NGDN: variants seen among roughly 807,000 people sequenced by gnomAD.
The protein encoded by NGDN is neuroguidin, also known as EIF4E-binding protein.
In NGDN, 41 loss-of-function variants were observed where a neutral mutation model predicts 45.2. That is an observed-to-expected ratio of 0.91 (90% CI 0.71 to 1.18). NGDN has a LOEUF of 1.18. Ranked by LOEUF, NGDN falls within the 50% of genes most tolerant of loss-of-function variation. The pLI, the probability that NGDN is intolerant of heterozygous loss-of-function variation, is 0.00. For synonymous variants in NGDN, 137 were observed against 130.9 expected (o/e 1.05, Z -0.32); for missense variants, 402 against 399.9 (o/e 1.01, Z -0.05).
At chr14:23,470,405 A>C in intron 2 of NGDN, 1 of 318,502 alleles carries the variant, frequency 3.1e-6, no homozygotes, top group South Asian at 5.9e-5. Context: ...ACTTATATAC[A>C]GATGCTTCTC....
intron 8 of NGDN, 115 bp downstream of exon 8, chr14:23,476,522 T>G (rs1893908521): frequency 2.0e-6 from 2 of 1,008,634 alleles, no homozygotes; most frequent in African/African-American, 1.6e-5. Flanking sequence ...GAAAATGGAG[T>G]GAAAACTTTG....
At position 23,475,307 on chromosome 14, in the gene NGDN, C is replaced by T. The variant is rs370904707; in HGVS notation, c.281C>T (p.Thr94Met). The T allele has an allele frequency of 1.7e-5, 27 of 1,606,598 alleles. No homozygotes were observed. The highest frequency in any genetic ancestry group is 1.7e-4 in the Middle Eastern group (1 of 6,036). ...DAVLRLVEIR[T>M]VLEKLRPLDQ... ...GTTTTGAGACTGGTGGAGATTCGCA[C>T]GGTATGAAGCATTTGGCTTCTTGGA... Residue 94 changes from threonine to methionine, a missense_variant and splice_region_variant, in exon 4 of 11, where the codon ACG (threonine) becomes ATG (methionine). Thr to Met is a moderately conservative substitution (Grantham distance 81, BLOSUM62 -1). Coordinates refer to ENST00000408901, the MANE Select transcript of NGDN (RefSeq NM_001042635.2).
chr14:23,477,358 T>C lies in NGDN; in HGVS notation c.870+2T>C. ...GGGGGAACTGTTCATCTTGATGAGG[T>C]GAGGTTGAGATATGGTTGTAGTAGG... On this transcript the variant is annotated splice_donor_variant, in intron 9 of 10. Transcript: ENST00000408901. LOFTEE classifies it high-confidence loss of function. 1 of 1,614,044 alleles carries C rather than the reference T, an allele frequency of 6.2e-7. No individual in the cohort carries two copies. Among genetic ancestry groups the C allele is most frequent in the Non-Finnish European group, 8.5e-7 (1 of 1,179,960 alleles).
rs530292151 is a variant in NGDN at position 23,475,610 on chromosome 14, A to G, written c.335A>G (p.Lys112Arg). 2.2e-5 allele frequency: 36 copies of G among 1,614,244 alleles called. No homozygotes were observed. In the African/African-American group the frequency reaches 4.4e-4, roughly 20 times the overall value. The part of the protein sequence containing the change: ...LDQKLKYQID[K>R]LIKTAVTGSL... ...CAAAAGCTGAAGTATCAAATTGACAAGCTGATCAAGACTGCAGTGACAGGC... is the reference window on the plus strand; with the variant it reads ...CAAAAGCTGAAGTATCAAATTGACAGGCTGATCAAGACTGCAGTGACAGGC... Residue 112 changes from lysine to arginine, a missense_variant, in exon 5 of 11, where the codon AAG (lysine) becomes AGG (arginine). Lys to Arg is a conservative substitution (Grantham distance 26). Coordinates refer to ENST00000408901, the MANE Select transcript of NGDN (RefSeq NM_001042635.2).
At chr14:23,472,505 A>G (rs1273475484) in intron 3 of NGDN, among the ~76,000 whole-genome samples, 2 of 152,340 alleles carry the variant, frequency 1.3e-5, no homozygotes, top group Non-Finnish European at 1.5e-5. Flanking sequence ...ATCTGAAAAA[A>G]ACAAAACAAC....
At chr14:23,472,441 A>C (rs1270269650) in intron 3 of NGDN, among the ~76,000 whole-genome samples, 1 of 152,118 alleles carries the variant, frequency 6.6e-6, no homozygotes, top group Non-Finnish European at 1.5e-5. Flanking sequence ...CAGAGGTTGC[A>C]GTGAGCCGTG....
intron 3 of NGDN, 152 bp from the exon 4 acceptor site, chr14:23,475,019 G>T: frequency 1.7e-6 from 1 of 578,444 alleles, no homozygotes; most frequent in Non-Finnish European, 2.8e-6. Context: ...GGCCTTCTTA[G>T]GCATAGCTAC....
At position 23,476,416 on chromosome 14, in the gene NGDN, C is replaced by G. The variant is rs760430379; in HGVS notation, c.713+9C>G. 2 of 1,601,434 alleles carry G rather than the reference C, an allele frequency of 1.2e-6. No individual in the cohort carries two copies. Among genetic ancestry groups the G allele is most frequent in the Non-Finnish European group, 1.7e-6 (2 of 1,173,006 alleles). On this transcript the variant is annotated intron_variant, in intron 8 of 10. Transcript: ENST00000408901. ...CAGGAGGACCAACACAGGTCTGAGC[C>G]CTTGCATTAGAAATTATTCCTGCAC... is the stretch of plus-strand genomic sequence containing the variant.
Position 23,475,243 on chromosome 14 carries a change from G to A in NGDN, c.217G>A (p.Asp73Asn). The part of the protein sequence containing the change: ...YLMDLTHLIL[D>N]KASGGSLQGH... ...TATGGATTTGACCCACCTCATTCTG[G>A]ACAAAGCCTCAGGAGGATCTCTTCA... The change falls in exon 4 of 11, where the codon GAC (aspartate) becomes AAC (asparagine). Residue 73 changes from aspartate (D) to asparagine (N), a missense_variant. Transcript: ENST00000408901. 6.2e-7 allele frequency: 1 copy of A among 1,614,102 alleles called. No homozygotes were observed. The highest frequency in any genetic ancestry group is 1.1e-5 in the South Asian group (1 of 91,088).
In NGDN at chr14:23,475,735, A is replaced by T. The variant is rs774017541; in HGVS notation, c.377A>T (p.Asp126Val). Residue 126 changes from aspartate to valine, a missense_variant, in exon 6 of 11, where the codon GAC becomes GTC. Transcript: ENST00000408901. Reference sequence around the variant, plus strand: ...GGGTTATTTATTTCAGGTGAGAATGACCCACTTCGTTTTAAGCCTCATCCC... The same window carrying T: ...GGGTTATTTATTTCAGGTGAGAATGTCCCACTTCGTTTTAAGCCTCATCCC... The part of the protein sequence containing the change: ...TAVTGSLSEN[D>V]PLRFKPHPSN... 3.1e-6 allele frequency: 5 copies of T among 1,613,570 alleles called. No homozygotes were observed. Among genetic ancestry groups the T allele is most frequent in the Non-Finnish European group, 4.2e-6 (5 of 1,179,988 alleles).
In NGDN at chr14:23,478,010, T is replaced by G. The variant is rs1893944046; in HGVS notation, c.932T>G (p.Phe311Cys). 6.2e-7 allele frequency: 1 copy of G among 1,614,188 alleles called. No individual in the cohort carries two copies. Among genetic ancestry groups the G allele is most frequent in the Non-Finnish European group, 8.5e-7 (1 of 1,180,018 alleles). The part of the protein sequence containing the change: ...IPQKGRKKKG[F>C]RRRR ...TCTTGGTTTCCCTTCCTTTCAGGTT[T>G]TCGGAGGCGGCGGTGATTATGGGTG... Residue 311 changes from phenylalanine (F) to cysteine (C), a missense_variant, in exon 11 of 11, where the codon TTT becomes TGT. Physicochemically the swap from Phe to Cys is radical, Grantham distance 205. Transcript: ENST00000408901.
chr14:23,477,303 A>ACAC lies in NGDN; in HGVS notation c.818_820dup (p.Thr273_His274insPro). The ACAC allele has an allele frequency of 6.2e-7, 1 of 1,614,204 alleles. No homozygotes were observed. The highest frequency in any genetic ancestry group is 8.5e-7 in the Non-Finnish European group (1 of 1,180,030). On this transcript the variant is annotated inframe_insertion, in exon 9 of 11. Coordinates refer to ENST00000408901, the MANE Select transcript of NGDN (RefSeq NM_001042635.2). ...CATGAGCTCACAACTTCATTCCCTTACACACTTCAGTGACATCAGTGCTTT... is the reference window on the plus strand; with the variant it reads ...CATGAGCTCACAACTTCATTCCCTTACACCACACTTCAGTGACATCAGTGCTTT...
chr14:23,475,145 TTTTC>T (rs1304325771), intron 3 of NGDN, 22 bp from the exon 4 acceptor site: 3 of 1,591,940 alleles, frequency 1.9e-6, no homozygotes, highest in African/African-American at 2.7e-5. Flanking sequence ...CCAAATCTGT[TTTTC>T]TTTCTGTTTT....
At chr14:23,475,448 T>G in intron 4 of NGDN, 110 bp from the exon 5 acceptor site, 1 of 1,358,114 alleles carries the variant, frequency 7.4e-7, no homozygotes, top group Non-Finnish European at 1.0e-6. Context: ...ATTCATTTGC[T>G]CTACTTTGTA....
At chr14:23,472,943 G>A (rs1260167011) in intron 3 of NGDN, among the ~76,000 whole-genome samples, 4 of 152,098 alleles carry the variant, frequency 2.6e-5, no homozygotes, top group African/African-American at 7.2e-5. Flanking sequence ...CAAGCACGTC[G>A]GAAGAGCCTG....
chr14:23,476,531 T>C (rs1043273112), intron 8 of NGDN, 124 bp downstream of exon 8: 63 of 957,430 alleles, frequency 6.6e-5, no homozygotes, highest in Admixed American at 2.2e-4. Context: ...GTGAAAACTT[T>C]GGGATGATAG....
intron 3 of NGDN, 137 bp downstream of exon 3, chr14:23,471,114 C>T: frequency 1.9e-6 from 1 of 528,746 alleles, no homozygotes; most frequent in South Asian, 3.8e-5. Flanking sequence ...GTGCTGAAGT[C>T]TAGAGGGAAG....
At chr14:23,475,674 G>C in intron 5 of NGDN, 32 bp downstream of exon 5, 1 of 1,613,512 alleles carries the variant, frequency 6.2e-7, no homozygotes, top group African/African-American at 1.3e-5. Flanking sequence ...AAGTTGTGGG[G>C]ACCATCAGAA....
Position 23,475,224 on chromosome 14 carries a change from T to C in NGDN, c.198T>C (p.Asp66=). ...KDQLLLMYLM[D]LTHLILDKAS... is the part of the protein sequence containing the mutation. The stretch of plus-strand genomic sequence containing the variant: ...AGCTGCTGCTCATGTACCTTATGGA[T>C]TTGACCCACCTCATTCTGGACAAAG... Residue 66 remains aspartate (D), a synonymous_variant, in exon 4 of 11, where the codon GAT becomes GAC. Coordinates refer to ENST00000408901, the MANE Select transcript of NGDN (RefSeq NM_001042635.2). 1.2e-6 allele frequency: 2 copies of C among 1,614,140 alleles called. No homozygotes were observed. Among genetic ancestry groups the C allele is most frequent in the Non-Finnish European group, 8.5e-7 (1 of 1,179,972 alleles).
Sources: gnomAD v4.1 joint callset for allele counts (sites outside exome capture counted in the v4.1 genomes callset) on GRCh38, gnomAD v4.1.1 for gene constraint, MANE v1.5 for transcripts, NCBI Gene and HGNC (gene_info 2026-07-23, HGNC 2026-07-21) for gene names.